HPSE2: variants seen among roughly 807,000 people sequenced by gnomAD.
HPSE2 encodes the protein heparanase 2 (inactive).
In HPSE2, 38 loss-of-function variants were observed where a neutral mutation model predicts 60.5. That is an observed-to-expected ratio of 0.63 (90% CI 0.48 to 0.82). HPSE2 has a LOEUF of 0.82. Ranked by LOEUF, HPSE2 falls within the 40% of genes least tolerant of loss-of-function variation. HPSE2 has a pLI of 0.00. For synonymous variants in HPSE2, 295 were observed against 293.2 expected (o/e 1.01, Z -0.06); for missense variants, 713 against 740.4 (o/e 0.96, Z 0.43).
In HPSE2 at chr10:98,721,792, A is replaced by C; in HGVS notation, c.821T>G (p.Val274Gly). Residue 274 changes from valine (V) to glycine (G), a missense_variant, in exon 5 of 12, where the codon GTA becomes GGA. Coordinates refer to ENST00000370552, the MANE Select transcript of HPSE2 (RefSeq NM_021828.5). ...NNYRTMHGRA[V>G]NGSQLGKDYI... is the part of the protein sequence containing the mutation. ...ATCCTTTCCCAACTGGCTGCCATTTACTGCCCGGCCATGCATGGTCCGATA... is the reference window on the plus strand; with the variant it reads ...ATCCTTTCCCAACTGGCTGCCATTTCCTGCCCGGCCATGCATGGTCCGATA... The C allele has an allele frequency of 1.2e-6, 2 of 1,613,766 alleles. No homozygotes were observed. The highest frequency in any genetic ancestry group is 1.7e-6 in the Non-Finnish European group (2 of 1,179,830).
chr10:99,049,775 A>G (rs887902777), intron 3 of HPSE2, among the ~76,000 whole-genome samples: 9 of 152,348 alleles, frequency 5.9e-5, no homozygotes, highest in Admixed American at 3.3e-4. Flanking sequence ...TTGCTCTTCA[A>G]AAAACAACAT....
intron 2 of HPSE2, among the ~76,000 whole-genome samples, chr10:99,159,245 G>A (rs1015139314): frequency 6.6e-6 from 1 of 152,052 alleles, no homozygotes; most frequent in Non-Finnish European, 1.5e-5. Flanking sequence ...TAATACAACT[G>A]AAAAACCTTG....
intron 2 of HPSE2, among the ~76,000 whole-genome samples, chr10:99,177,382 C>T (rs1051515749): frequency 2.0e-5 from 3 of 152,058 alleles, no homozygotes; most frequent in South Asian, 2.1e-4. Flanking sequence ...ACCCAGCTCA[C>T]GTGCAAAGAC....
chr10:98,519,394 G>A (rs1942712171), intron 9 of HPSE2, among the ~76,000 whole-genome samples: 1 of 152,170 alleles, frequency 6.6e-6, no homozygotes, highest in South Asian at 2.1e-4. Context: ...GATGTTGGTG[G>A]GCAAAGGAGT....
At chr10:98,855,654 G>C (rs1164949875) in intron 3 of HPSE2, among the ~76,000 whole-genome samples, 2 of 152,056 alleles carry the variant, frequency 1.3e-5, no homozygotes, top group Admixed American at 6.6e-5. Flanking sequence ...CAGTCAACCA[G>C]AATGAAACAA....
intron 9 of HPSE2, among the ~76,000 whole-genome samples, chr10:98,587,214 T>C (rs1944963127): frequency 6.6e-6 from 1 of 152,224 alleles, no homozygotes; most frequent in African/African-American, 2.4e-5. Context: ...TTTGAATGAC[T>C]TGTTTATATC....
At chr10:99,117,095 G>A (rs1375453964) in intron 3 of HPSE2, among the ~76,000 whole-genome samples, 1 of 151,688 alleles carries the variant, frequency 6.6e-6, no homozygotes, top group East Asian at 1.9e-4. Context: ...ACCTTTTTTT[G>A]CAATATACAT....
chr10:99,043,917 G>C (rs1957798858), intron 3 of HPSE2, among the ~76,000 whole-genome samples: 1 of 152,106 alleles, frequency 6.6e-6, no homozygotes, highest in Non-Finnish European at 1.5e-5. Flanking sequence ...AGAGGAGAGA[G>C]ATAAACAACT....
At chr10:98,547,476 T>C (rs1476818881) in intron 9 of HPSE2, among the ~76,000 whole-genome samples, 17 of 149,264 alleles carry the variant, frequency 1.1e-4, no homozygotes, top group Non-Finnish European at 7.4e-5. Flanking sequence ...TATGCAGCCA[T>C]AAAAAATGAT....
chr10:98,529,266 T>C (rs1943063750), intron 9 of HPSE2, among the ~76,000 whole-genome samples: 2 of 152,222 alleles, frequency 1.3e-5, no homozygotes, highest in Admixed American at 1.3e-4. Flanking sequence ...TTTGTTGTGT[T>C]GAGATAGACT....
At chr10:98,990,625 T>C (rs74154360) in intron 3 of HPSE2, among the ~76,000 whole-genome samples, 23,248 of 152,204 alleles carry the variant, frequency 0.15, 2,667 homozygotes, top group African/African-American at 0.31. Flanking sequence ...AAAGCACTTA[T>C]AATACCATGA....
At chr10:99,065,939 T>C (rs1258066851) in intron 3 of HPSE2, among the ~76,000 whole-genome samples, 3 of 152,180 alleles carry the variant, frequency 2.0e-5, no homozygotes, top group Non-Finnish European at 4.4e-5. Context: ...CTTTAAGGGA[T>C]CATGGAAAAC....
intron 9 of HPSE2, among the ~76,000 whole-genome samples, chr10:98,606,571 C>G (rs1292759891): frequency 6.6e-6 from 1 of 152,148 alleles, no homozygotes; most frequent in Non-Finnish European, 1.5e-5. Flanking sequence ...GGTCTTCTGC[C>G]GTCAAATTTA....
intron 11 of HPSE2, among the ~76,000 whole-genome samples, chr10:98,463,044 C>T (rs1172650359): frequency 6.6e-6 from 1 of 152,036 alleles, no homozygotes; most frequent in African/African-American, 2.4e-5. Context: ...TGAGACTTCT[C>T]CCCCAATTCC....
the HPSE2 span, among the ~76,000 whole-genome samples, chr10:99,293,649 G>C: frequency 5.9e-5 from 9 of 152,094 alleles, no homozygotes; most frequent in African/African-American, 1.4e-4. Flanking sequence ...ACAGACACTG[G>C]CGAAGCTTTT....
chr10:98,709,973 T>C (rs963378340), intron 5 of HPSE2, among the ~76,000 whole-genome samples: 1 of 152,200 alleles, frequency 6.6e-6, no homozygotes, highest in Non-Finnish European at 1.5e-5. Flanking sequence ...CATAGTAGCC[T>C]GATCTTTCCT....
At chr10:98,778,153 C>T (rs541326546) in intron 3 of HPSE2, among the ~76,000 whole-genome samples, 8 of 151,606 alleles carry the variant, frequency 5.3e-5, no homozygotes, top group African/African-American at 1.9e-4. Flanking sequence ...GGGTGCATAA[C>T]AAAACACATG....
chr10:98,950,688 C>G (rs965982608), intron 3 of HPSE2, among the ~76,000 whole-genome samples: 12 of 152,082 alleles, frequency 7.9e-5, no homozygotes, highest in Admixed American at 7.9e-4. Context: ...GATGGCGGAA[C>G]ACACCAGCAC....
rs147642383 is a variant in HPSE2 at position 99,067,966 on chromosome 10, C to T, written c.610+76272G>A. Among the ~76,000 whole-genome samples, 9 of 152,254 alleles carry T rather than the reference C, an allele frequency of 5.9e-5. No homozygotes were observed. In the East Asian group the frequency reaches 1.7e-3, roughly 29 times the overall value. On this transcript the variant is annotated intron_variant, in intron 3 of 11. Coordinates refer to ENST00000370552, the MANE Select transcript of HPSE2 (RefSeq NM_021828.5). Reference sequence around the variant, plus strand: ...TTGCCAGATACCCTAAATCATAACTCTTAAGTTCAAAGTTCCACAGATCTC... The same window carrying T: ...TTGCCAGATACCCTAAATCATAACTTTTAAGTTCAAAGTTCCACAGATCTC...
Sources: allele counts gnomAD v4.1 joint callset (sites outside exome capture counted in the v4.1 genomes callset), GRCh38; gene constraint gnomAD v4.1.1; transcripts MANE v1.5; gene names NCBI Gene and HGNC (gene_info 2026-07-23, HGNC 2026-07-21).